STARD5: variants seen among roughly 807,000 people sequenced by gnomAD.
STARD5 encodes the protein stAR-related lipid transfer protein 5.
Under a neutral mutation model 24.6 loss-of-function variants are expected in STARD5, and 26 were observed. The observed-to-expected ratio is 1.06, with a 90% CI of 0.77 to 1.47. STARD5 has a LOEUF of 1.47. Ranked by LOEUF, STARD5 falls within the 40% of genes most tolerant of loss-of-function variation. The pLI is 0.00. For synonymous variants in STARD5, 101 were observed against 99.7 expected, an observed-to-expected ratio of 1.01 and a Z score of -0.07; for missense variants, 254 against 270.8, an observed-to-expected ratio of 0.94 and a Z score of 0.44.
chr15:81,319,090 G>A (rs1486273038), intron 4 of STARD5, among the ~76,000 whole-genome samples: 8 of 147,278 alleles, frequency 5.4e-5, no homozygotes, highest in African/African-American at 1.3e-4. Context: ...ATGAGCTTCC[G>A]CAGGAAAAAA....
chr15:81,323,878 C>A, intron 1 of STARD5, 123 bp downstream of exon 1: 1 of 994,632 alleles, frequency 1.0e-6, no homozygotes. Context: ...GAATCCCTCT[C>A]AATCGGGTCC....
intron 5 of STARD5, among the ~76,000 whole-genome samples, chr15:81,316,352 A>G (rs971537972): frequency 2.6e-5 from 4 of 152,138 alleles, no homozygotes; most frequent in Non-Finnish European, 4.4e-5. Flanking sequence ...TCCTGCCTTC[A>G]TTGGAATCTA....
At chr15:81,319,542 G>C in intron 3 of STARD5, 86 bp from the exon 4 acceptor site, 1 of 1,186,938 alleles carries the variant, frequency 8.4e-7, no homozygotes, top group South Asian at 1.2e-5. Context: ...GTCTGGGAAA[G>C]GTACTAGGGC....
chr15:81,313,007 C>T lies in STARD5; in HGVS notation c.*249G>A, dbSNP rs1028488805. 11 of 294,412 alleles carry T rather than the reference C, an allele frequency of 3.7e-5. No homozygotes were observed. The highest frequency in any genetic ancestry group is 7.3e-5 in the South Asian group (1 of 13,654). 18.2% of individuals were successfully genotyped at this position (294,412 alleles called of 1,614,324 possible). On this transcript the variant is annotated 3_prime_UTR_variant, in exon 6 of 6. Transcript: ENST00000302824. ...CCTGGGTCTACCCTGCCAGGAGAGG[C>T]GTGTTTGGGTAACAGGCAGATGGAG...
intron 1 of STARD5, chr15:81,323,331 G>A: frequency 6.8e-6 from 2 of 295,206 alleles, no homozygotes; most frequent in Non-Finnish European, 6.2e-6. Flanking sequence ...TGAAAAGTCA[G>A]AAGGGTCAAG....
At chr15:81,321,383 G>T (rs910398510) in intron 3 of STARD5, among the ~76,000 whole-genome samples, 4 of 152,134 alleles carry the variant, frequency 2.6e-5, no homozygotes, top group East Asian at 3.9e-4. Context: ...GGGTCGAGGT[G>T]GGGGGATCAT....
At chr15:81,323,794 A>T in intron 1 of STARD5, 3 of 705,980 alleles carry the variant, frequency 4.2e-6, no homozygotes, top group South Asian at 3.5e-5. Flanking sequence ...AAAGGAACAG[A>T]TACTTACCAC....
chr15:81,323,170 C>T (rs1258363926), intron 1 of STARD5: 2 of 566,578 alleles, frequency 3.5e-6, no homozygotes, highest in African/African-American at 1.9e-5. Context: ...CTCCAAGAGC[C>T]GTGGGTGGTT....
At position 81,318,498 on chromosome 15, in the gene STARD5, G is replaced by T. The variant is rs768685843; in HGVS notation, c.405C>A (p.Thr135=). The T allele has an allele frequency of 1.2e-6, 2 of 1,613,854 alleles. No individual in the cohort carries two copies. Among genetic ancestry groups the T allele is most frequent in the Non-Finnish European group, 1.7e-6 (2 of 1,179,942 alleles). The change falls in exon 5 of 6, where the codon ACC becomes ACA. Residue 135 remains threonine, a synonymous_variant. Coordinates refer to ENST00000302824, the MANE Select transcript of STARD5 (RefSeq NM_181900.3). Reference sequence around the variant, plus strand: ...GGGGACATAACGGATGCTCCACATGGGTGGCTGGAAGACAGTGCAGAATCT... The same window carrying T: ...GGGGACATAACGGATGCTCCACATGTGTGGCTGGAAGACAGTGCAGAATCT... The part of the protein sequence containing the change: ...YEDGTISSNA[T]HVEHPLCPPK...
intron 4 of STARD5, among the ~76,000 whole-genome samples, 191 bp downstream of exon 4, chr15:81,319,148 C>T (rs1368370209): frequency 6.6e-6 from 1 of 151,820 alleles, no homozygotes; most frequent in Non-Finnish European, 1.5e-5. Context: ...GAATTACTGG[C>T]ATATGGACTG....
intron 3 of STARD5, 122 bp from the exon 4 acceptor site, chr15:81,319,578 G>C: frequency 1.2e-6 from 1 of 815,634 alleles, no homozygotes; most frequent in Non-Finnish European, 2.1e-6. Flanking sequence ...ACTATAAACA[G>C]TTAAGATCCA....
chr15:81,322,536 G>C lies in STARD5; in HGVS notation c.154C>G (p.Arg52Gly). ...GTCCCATATACAATGCCTTCTCCTC[G>C]GTACCTGGAGCACGAAAAGGAATTT... The part of the protein sequence containing the change: ...PSVEFPGNLY[R>G]GEGIVYGTLE... The change falls in exon 3 of 6, where the codon CGA becomes GGA. Residue 52 changes from arginine (R) to glycine (G), a missense_variant. Transcript: ENST00000302824. The C allele has an allele frequency of 1.2e-6, 2 of 1,613,968 alleles. No homozygotes were observed. Among genetic ancestry groups the C allele is most frequent in the Non-Finnish European group, 1.7e-6 (2 of 1,179,994 alleles).
At position 81,322,886 on chromosome 15, in the gene STARD5, G is replaced by A. The variant is rs1893318908; in HGVS notation, c.149+13C>T. ...GGCACCTCTGGTAATCTTTGAACGA[G>A]GCATGCACTTACAGGTTCCCTGGAA... On this transcript the variant is annotated intron_variant, in intron 2 of 5. Coordinates refer to ENST00000302824, the MANE Select transcript of STARD5 (RefSeq NM_181900.3). The A allele has an allele frequency of 4.3e-6, 7 of 1,614,160 alleles. No homozygotes were observed. The highest frequency in any genetic ancestry group is 5.9e-6 in the Non-Finnish European group (7 of 1,180,028).
intron 5 of STARD5, among the ~76,000 whole-genome samples, chr15:81,316,511 G>T (rs1188793302): frequency 1.3e-5 from 2 of 152,154 alleles, no homozygotes; most frequent in Non-Finnish European, 2.9e-5. Flanking sequence ...ACCTCTCTGT[G>T]CACCCACCAT....
chr15:81,317,201 A>C (rs1236897368), intron 5 of STARD5, among the ~76,000 whole-genome samples: 2 of 151,850 alleles, frequency 1.3e-5, no homozygotes, highest in Non-Finnish European at 2.9e-5. Context: ...TCTCAAAAAA[A>C]AAAAAAAAAA....
intron 5 of STARD5, among the ~76,000 whole-genome samples, chr15:81,315,168 C>T (rs1264643688): frequency 6.6e-6 from 1 of 152,122 alleles, no homozygotes; most frequent in Non-Finnish European, 1.5e-5. Flanking sequence ...CTAGAGCCTT[C>T]TCTCTCCTCC....
chr15:81,314,728 A>T (rs1335242704), intron 5 of STARD5, among the ~76,000 whole-genome samples: 2 of 151,984 alleles, frequency 1.3e-5, no homozygotes, highest in Admixed American at 1.3e-4. Context: ...TCTACTAAAC[A>T]TACAAAAGTT....
chr15:81,315,250 C>A (rs956287146), intron 5 of STARD5, among the ~76,000 whole-genome samples: 2 of 152,144 alleles, frequency 1.3e-5, no homozygotes, highest in African/African-American at 4.8e-5. Context: ...GAAACATGAA[C>A]AGGTGAGTGA....
intron 3 of STARD5, among the ~76,000 whole-genome samples, chr15:81,322,045 C>A (rs1172530747): frequency 6.6e-6 from 1 of 152,248 alleles, no homozygotes; most frequent in East Asian, 1.9e-4. Flanking sequence ...TGAAGACCCT[C>A]ATACCAGAGG....
Sources: gnomAD v4.1 joint callset for allele counts (sites outside exome capture counted in the v4.1 genomes callset) on GRCh38, gnomAD v4.1.1 for gene constraint, MANE v1.5 for transcripts, NCBI Gene and HGNC (gene_info 2026-07-23, HGNC 2026-07-21) for gene names.